The following STAG1 variants were observed in gnomAD, a reference collection of about 807,000 sequenced individuals.
STAG1 encodes the protein cohesin subunit SA-1.
In STAG1, 26 loss-of-function variants were observed where a neutral mutation model predicts 170.9. That is an observed-to-expected ratio of 0.15 (90% CI 0.11 to 0.21). The LOEUF (loss-of-function observed/expected upper bound fraction) is 0.21, where lower values mean the gene tolerates loss of function less well. STAG1 is among the 10% of genes least tolerant of loss of function. STAG1 has a pLI of 1.00. For missense variants in STAG1, 964 were observed against 1,509.5 expected (o/e 0.64, Z 5.99); for synonymous variants, 514 against 497.7 (o/e 1.03, Z -0.44).
At chr3:136,462,971 G>GC (rs1015783524) in intron 13 of STAG1, among the ~76,000 whole-genome samples, 4 of 152,060 alleles carry the variant, frequency 2.6e-5, no homozygotes, top group African/African-American at 9.7e-5. Context: ...AACTACAGAA[G>GC]CAACAAATTA....
At chr3:136,469,618 G>T (rs988108513) in intron 12 of STAG1, among the ~76,000 whole-genome samples, 11 of 152,174 alleles carry the variant, frequency 7.2e-5, no homozygotes, top group African/African-American at 2.4e-4. Flanking sequence ...TTTCTTCACA[G>T]AATTGGAAAA....
Position 136,422,830 on chromosome 3 carries a change from T to C in STAG1, c.1771A>G (p.Asn591Asp), listed in dbSNP as rs764378316. The C allele has an allele frequency of 1.2e-6, 2 of 1,610,278 alleles. No homozygotes were observed. The highest frequency in any genetic ancestry group is 1.7e-6 in the Non-Finnish European group (2 of 1,179,194). The change falls in exon 18 of 34, where the codon AAC (asparagine) becomes GAC (aspartate). Residue 591 changes from asparagine to aspartate, a missense_variant. By Grantham distance (23) the Asn-to-Asp change is conservative (BLOSUM62 1). Coordinates refer to ENST00000383202, the MANE Select transcript of STAG1 (RefSeq NM_005862.3). ...AAATACTGTGGGATTTGTAGCAAGTTTGCTACCTTCTCTGCATCTGCAGAA... is the reference window on the plus strand; with the variant it reads ...AAATACTGTGGGATTTGTAGCAAGTCTGCTACCTTCTCTGCATCTGCAGAA... ...KYSADAEKVA[N>D]LLQIPQYFDL... is the part of the protein sequence containing the mutation.
At chr3:136,450,312 T>C (rs547083790) in intron 14 of STAG1, among the ~76,000 whole-genome samples, 13 of 152,324 alleles carry the variant, frequency 8.5e-5, no homozygotes, top group South Asian at 4.1e-4. Flanking sequence ...TCTAGAGCTA[T>C]TGAATAAGAA....
intron 20 of STAG1, 74 bp from the exon 21 acceptor site, chr3:136,418,046 G>A: frequency 8.8e-7 from 1 of 1,139,958 alleles, no homozygotes. Context: ...GTTCAGGTGA[G>A]TGGAAGAATA....
At chr3:136,615,424 C>CAAAAAAA (rs35713077) in intron 3 of STAG1, among the ~76,000 whole-genome samples, 1 of 33,250 alleles carries the variant, frequency 3.0e-5, no homozygotes, top group African/African-American at 1.1e-4. Flanking sequence ...AGACTTTGTC[C>CAAAAAAA]AAAAAAAAAA....
chr3:136,426,252 A>C (rs1289242785), intron 16 of STAG1, among the ~76,000 whole-genome samples: 1 of 151,406 alleles, frequency 6.6e-6, no homozygotes, highest in African/African-American at 2.4e-5. Flanking sequence ...CTAAAAATAC[A>C]AAAAAAAATT....
At chr3:136,429,394 C>T (rs138571983) in intron 16 of STAG1, among the ~76,000 whole-genome samples, 2,545 of 152,048 alleles carry the variant, frequency 0.017, 39 homozygotes, top group Non-Finnish European at 0.027. Flanking sequence ...ATGACAAGAG[C>T]GAAACTCTGT....
At chr3:136,418,360 CAAAAAAAAAAAAAAAAAAAAAAAAAAAAA>C (rs767401141) in intron 20 of STAG1, among the ~76,000 whole-genome samples, 3 of 49,762 alleles carry the variant, frequency 6.0e-5, no homozygotes, top group Middle Eastern at 0.011. Context: ...ACTCTGTCTC[CAAAAAAAAAAAAAAAAAAAAAAAAAAAAA>C]AAAAAAAAAA....
chr3:136,522,842 G>A (rs1576560471), intron 6 of STAG1, among the ~76,000 whole-genome samples: 1 of 151,302 alleles, frequency 6.6e-6, no homozygotes, highest in East Asian at 2.0e-4. Context: ...CCTTGTGATA[G>A]TTTCCTGAGA....
At chr3:136,434,115 GTCAT>G (rs1360308091) in intron 15 of STAG1, among the ~76,000 whole-genome samples, 1 of 151,866 alleles carries the variant, frequency 6.6e-6, no homozygotes, top group Non-Finnish European at 1.5e-5. Context: ...TCTACTTATG[GTCAT>G]TCAAATAATT....
At chr3:136,382,856 G>A (rs1400191961) in intron 22 of STAG1, among the ~76,000 whole-genome samples, 1 of 152,172 alleles carries the variant, frequency 6.6e-6, no homozygotes, top group Non-Finnish European at 1.5e-5. Flanking sequence ...ATATTCCACT[G>A]AGAGAATTAT....
chr3:136,719,212 C>T (rs1044210377), intron 1 of STAG1, among the ~76,000 whole-genome samples: 1 of 151,990 alleles, frequency 6.6e-6, no homozygotes, highest in African/African-American at 2.4e-5. Flanking sequence ...TTGAAACATG[C>T]CTTAACATGG....
chr3:136,472,943 C>A (rs949284679), intron 11 of STAG1, among the ~76,000 whole-genome samples: 1 of 152,182 alleles, frequency 6.6e-6, no homozygotes, highest in Non-Finnish European at 1.5e-5. Flanking sequence ...CTGGGCCACA[C>A]AGCAAGGGGT....
At chr3:136,451,837 T>C (rs770545104) in intron 14 of STAG1, among the ~76,000 whole-genome samples, 196 bp downstream of exon 14, 36 of 152,178 alleles carry the variant, frequency 2.4e-4, no homozygotes, top group South Asian at 6.2e-4. Context: ...GTATTCAGTG[T>C]TGATCCACAC....
chr3:136,455,619 G>A (rs2089088155), intron 13 of STAG1, among the ~76,000 whole-genome samples: 1 of 152,210 alleles, frequency 6.6e-6, no homozygotes, highest in Non-Finnish European at 1.5e-5. Context: ...ACTGGTGCAC[G>A]GATCTTGGCA....
intron 26 of STAG1, among the ~76,000 whole-genome samples, chr3:136,360,590 T>C (rs1936824559): frequency 6.6e-6 from 1 of 152,256 alleles, no homozygotes; most frequent in South Asian, 2.1e-4. Flanking sequence ...CAGCAATAGA[T>C]TGGCCTGAAC....
intron 4 of STAG1, among the ~76,000 whole-genome samples, chr3:136,592,982 G>T (rs1443730320): frequency 2.0e-5 from 3 of 152,142 alleles, no homozygotes; most frequent in Non-Finnish European, 4.4e-5. Flanking sequence ...TGTGACAAGG[G>T]TGTTGTTATC....
chr3:136,363,824 A>G (rs1417774825), intron 25 of STAG1, among the ~76,000 whole-genome samples: 2 of 152,168 alleles, frequency 1.3e-5, no homozygotes, highest in African/African-American at 4.8e-5. Context: ...GTGTGATCGT[A>G]GCTCACTGCA....
intron 21 of STAG1, among the ~76,000 whole-genome samples, chr3:136,401,440 A>C (rs2087322098): frequency 6.6e-6 from 1 of 152,230 alleles, no homozygotes; most frequent in Non-Finnish European, 1.5e-5. Flanking sequence ...TGTATGTACA[A>C]TGTTATTAGA....
Sources: allele counts gnomAD v4.1 joint callset (sites outside exome capture counted in the v4.1 genomes callset), GRCh38; gene constraint gnomAD v4.1.1; transcripts MANE v1.5; gene names NCBI Gene and HGNC (gene_info 2026-07-23, HGNC 2026-07-21).